NUBPL: variants seen among roughly 807,000 people sequenced by gnomAD.
NUBPL encodes the protein iron-sulfur cluster transfer protein NUBPL.
In NUBPL, 31 loss-of-function variants were observed where a neutral mutation model predicts 45.7. The ratio of observed to expected loss-of-function variants is 0.68; its 90% CI spans 0.51 to 0.92. The LOEUF is 0.92. Ranked by LOEUF, NUBPL falls within the 40% of genes least tolerant of loss-of-function variation. The probability of loss-of-function intolerance (pLI) is 0.00; values close to 1 mark genes in which losing one functional copy is unlikely to be tolerated. For missense variants in NUBPL, 401 were observed against 398.7 expected, an observed-to-expected ratio of 1.01 and a Z score of -0.05; for synonymous variants, 144 against 140.9, an observed-to-expected ratio of 1.02 and a Z score of -0.15.
At position 31,605,254 on chromosome 14, in the gene NUBPL, A is replaced by C. The variant is rs1455360783; in HGVS notation, c.382+5875A>C. ...ATGGCTGTTGCACAAGAGAGACAACACATCTCTCTCTTAGTAGATATTAGT... is the reference window on the plus strand; with the variant it reads ...ATGGCTGTTGCACAAGAGAGACAACCCATCTCTCTCTTAGTAGATATTAGT... On this transcript the variant is annotated intron_variant, in intron 4 of 10. Transcript: ENST00000281081. Among the ~76,000 whole-genome samples, 3 of 152,340 alleles carry C rather than the reference A, an allele frequency of 2.0e-5. No individual in the cohort carries two copies. In the East Asian group the frequency reaches 5.8e-4, roughly 29 times the overall value.
intron 4 of NUBPL, among the ~76,000 whole-genome samples, chr14:31,601,678 A>G (rs2034437794): frequency 6.6e-6 from 1 of 152,234 alleles, no homozygotes; most frequent in African/African-American, 2.4e-5. Context: ...GCAAATCAAA[A>G]CCACAATGAG....
chr14:31,691,298 C>G (rs1407908921), intron 6 of NUBPL, among the ~76,000 whole-genome samples: 1 of 152,184 alleles, frequency 6.6e-6, no homozygotes, highest in Non-Finnish European at 1.5e-5. Context: ...TCCTTAATAA[C>G]ATTTTCTTTT....
intron 10 of NUBPL, among the ~76,000 whole-genome samples, chr14:31,855,221 T>G (rs150401026): frequency 6.6e-6 from 1 of 152,332 alleles, no homozygotes; most frequent in East Asian, 1.9e-4. Context: ...TAAAAGGTAT[T>G]TATAAAGATG....
At chr14:31,775,436 CAAAAG>C (rs2039081529) in intron 6 of NUBPL, among the ~76,000 whole-genome samples, 1 of 151,938 alleles carries the variant, frequency 6.6e-6, no homozygotes, top group Non-Finnish European at 1.5e-5. Flanking sequence ...CAAAACAAAA[CAAAAG>C]AAAGCAAAAA....
chr14:31,583,945 T>C (rs2033930076), intron 3 of NUBPL, among the ~76,000 whole-genome samples: 1 of 152,164 alleles, frequency 6.6e-6, no homozygotes, highest in South Asian at 2.1e-4. Flanking sequence ...CATTTGAAAA[T>C]AATATGCATA....
At chr14:31,565,668 T>C (rs1466419738) in intron 3 of NUBPL, among the ~76,000 whole-genome samples, 2 of 152,134 alleles carry the variant, frequency 1.3e-5, no homozygotes, top group Non-Finnish European at 2.9e-5. Context: ...AATATTTAGG[T>C]TGGGTCCCAT....
At chr14:31,566,991 A>T (rs1173839949) in intron 3 of NUBPL, among the ~76,000 whole-genome samples, 1 of 152,182 alleles carries the variant, frequency 6.6e-6, no homozygotes, top group Admixed American at 6.5e-5. Context: ...CTGTGATAAT[A>T]TTTTATAGAA....
intron 6 of NUBPL, among the ~76,000 whole-genome samples, chr14:31,719,126 G>A (rs752719136): frequency 6.6e-6 from 1 of 152,158 alleles, no homozygotes. Flanking sequence ...TGGCAACACA[G>A]CACACTAAAG....
chr14:31,595,125 G>A (rs551544936), intron 3 of NUBPL, among the ~76,000 whole-genome samples: 9 of 152,196 alleles, frequency 5.9e-5, no homozygotes, highest in Non-Finnish European at 7.3e-5. Flanking sequence ...AAAATAAGAC[G>A]TGTAGGCTCT....
intron 6 of NUBPL, among the ~76,000 whole-genome samples, chr14:31,680,730 A>C (rs1489498510): frequency 6.6e-6 from 1 of 152,152 alleles, no homozygotes; most frequent in Non-Finnish European, 1.5e-5. Context: ...CTCCCTTTAA[A>C]TAATTGCTGT....
intron 4 of NUBPL, among the ~76,000 whole-genome samples, chr14:31,648,672 A>G (rs2035920138): frequency 1.3e-5 from 2 of 152,272 alleles, no homozygotes; most frequent in Admixed American, 6.5e-5. Flanking sequence ...TACATTAACT[A>G]TGATCACATT....
intron 4 of NUBPL, among the ~76,000 whole-genome samples, chr14:31,621,346 C>G (rs1343695003): frequency 6.6e-6 from 1 of 152,134 alleles, no homozygotes; most frequent in Non-Finnish European, 1.5e-5. Context: ...ATAAACTGCT[C>G]CAGGTAGCTC....
At chr14:31,720,304 G>A (rs1385032808) in intron 6 of NUBPL, among the ~76,000 whole-genome samples, 2 of 152,078 alleles carry the variant, frequency 1.3e-5, no homozygotes, top group Non-Finnish European at 2.9e-5. Flanking sequence ...CCTACCTCTG[G>A]ACTCTTCTTT....
intron 6 of NUBPL, among the ~76,000 whole-genome samples, chr14:31,757,671 A>G (rs996258643): frequency 1.3e-5 from 2 of 152,140 alleles, no homozygotes; most frequent in East Asian, 3.9e-4. Flanking sequence ...AATTTTTGAA[A>G]CTAAGTGATA....
chr14:31,673,459 T>C (rs1336206663), intron 5 of NUBPL, 25 bp from the exon 6 acceptor site: 1 of 1,609,708 alleles, frequency 6.2e-7, no homozygotes, highest in East Asian at 2.2e-5. Context: ...TACAAATTAG[T>C]TGTATTTTTA....
chr14:31,803,420 A>T (rs2039628669), intron 7 of NUBPL, among the ~76,000 whole-genome samples: 1 of 151,906 alleles, frequency 6.6e-6, no homozygotes, highest in South Asian at 2.1e-4. Context: ...TTTGGATTTT[A>T]GTGCTGTGTT....
intron 6 of NUBPL, among the ~76,000 whole-genome samples, chr14:31,768,294 A>G (rs1201510584): frequency 6.6e-6 from 1 of 152,230 alleles, no homozygotes; most frequent in Non-Finnish European, 1.5e-5. Flanking sequence ...AGGCTTTAAT[A>G]AACACTTTAT....
intron 7 of NUBPL, among the ~76,000 whole-genome samples, chr14:31,800,163 A>G (rs1340005691): frequency 6.6e-6 from 1 of 152,178 alleles, no homozygotes; most frequent in Non-Finnish European, 1.5e-5. Context: ...TCTAATTCTA[A>G]TAATTCTCTT....
chr14:31,822,205 C>A (rs1432971979), intron 7 of NUBPL, among the ~76,000 whole-genome samples: 1 of 152,018 alleles, frequency 6.6e-6, no homozygotes, highest in Non-Finnish European at 1.5e-5. Flanking sequence ...TTGGTTATAA[C>A]ACAAAAGATG....
Sources: gnomAD v4.1 joint callset for allele counts (sites outside exome capture counted in the v4.1 genomes callset) on GRCh38, gnomAD v4.1.1 for gene constraint, MANE v1.5 for transcripts, NCBI Gene and HGNC (gene_info 2026-07-23, HGNC 2026-07-21) for gene names.